The following GSN variants were observed in gnomAD, a reference collection of about 807,000 sequenced individuals.
The protein encoded by GSN is actin-depolymerizing factor.
In GSN, 56 loss-of-function variants were observed where a neutral mutation model predicts 85.7. That is an observed-to-expected ratio of 0.65 (90% CI 0.53 to 0.82). The LOEUF is 0.82. Ranked by LOEUF, GSN falls within the 40% of genes least tolerant of loss-of-function variation. The pLI is 0.00. For missense variants in GSN, 857 were observed against 979.8 expected (o/e 0.87, Z 1.67); for synonymous variants, 373 against 399.1 (o/e 0.93, Z 0.78).
At chr9:121,206,970 A>T (rs1174859279), upstream of GSN, among the ~76,000 whole-genome samples, 2 of 152,214 alleles carry the variant, frequency 1.3e-5, no homozygotes, top group Non-Finnish European at 2.9e-5. Context: ...TCCACATGGA[A>T]ACTGAGACCT....
intron 4 of GSN, among the ~76,000 whole-genome samples, chr9:121,228,420 ATATATTTTTTTTT>A (rs1564343693): frequency 1.8e-5 from 1 of 56,974 alleles, no homozygotes; most frequent in African/African-American, 1.1e-4. Context: ...ATATATATAT[ATATATTTTTTTTT>A]TTTTTTTTTT....
At chr9:121,314,096 TCCACTGCTATGGGACC>T (rs2061463135) in intron 7 of GSN, 73 bp downstream of exon 7, 2 of 1,158,032 alleles carry the variant, frequency 1.7e-6, no homozygotes, top group East Asian at 4.7e-5. Context: ...TCTTCCCCAC[TCCACTGCTATGGGACC>T]TTGAGCAAAG....
intron 2 of GSN, among the ~76,000 whole-genome samples, chr9:121,290,321 C>T (rs2058566129): frequency 6.6e-6 from 1 of 152,236 alleles, no homozygotes; most frequent in South Asian, 2.1e-4. Context: ...TTTAAATCTT[C>T]CGGCTGGCTA....
intron 5 of GSN, among the ~76,000 whole-genome samples, chr9:121,241,317 GCAAA>G (rs1295021360): frequency 2.0e-5 from 3 of 152,188 alleles, no homozygotes; most frequent in East Asian, 1.9e-4. Flanking sequence ...TTTCAGGTGA[GCAAA>G]CAAACAAAAT....
At chr9:121,319,934 AG>A (rs550857532) in intron 10 of GSN, among the ~76,000 whole-genome samples, 28 of 152,036 alleles carry the variant, frequency 1.8e-4, no homozygotes, top group Non-Finnish European at 3.5e-4. Context: ...GGAATAACAA[AG>A]TGTTCATTTT....
At position 121,312,398 on chromosome 9, in the gene GSN, G is replaced by A; in HGVS notation, c.573G>A (p.Gln191=). The A allele has an allele frequency of 1.9e-6, 3 of 1,614,102 alleles. No individual in the cohort carries two copies. The highest frequency in any genetic ancestry group is 2.5e-6 in the Non-Finnish European group (3 of 1,179,942). The change falls in exon 6 of 18, where the codon CAG becomes CAA. Residue 191 remains glutamine, a synonymous_variant. Transcript: ENST00000432226. ...SNRYERLKAT[Q]VSKGIRDNER... is the part of the protein sequence containing the mutation. The stretch of plus-strand genomic sequence containing the variant: ...GGTATGAAAGACTGAAGGCCACACA[G>A]GTGTCCAAGGGCATCCGGGACAACG...
intron 5 of GSN, chr9:121,311,240 G>A: frequency 3.4e-6 from 1 of 294,368 alleles, no homozygotes; most frequent in Non-Finnish European, 6.6e-6. Flanking sequence ...ACATGTGTAT[G>A]TCATACATGT....
chr9:121,286,580 G>A, intron 2 of GSN: 1 of 1,479,012 alleles, frequency 6.8e-7, no homozygotes, highest in Non-Finnish European at 8.9e-7. Flanking sequence ...GGCCATGGGT[G>A]CTCCCTCCTT....
At chr9:121,274,048 G>GTC (rs1442026645) in intron 1 of GSN, among the ~76,000 whole-genome samples, 1 of 152,172 alleles carries the variant, frequency 6.6e-6, no homozygotes, top group Admixed American at 6.5e-5. Context: ...TTTCTACTGA[G>GTC]TCTCTCTCTC....
intron 4 of GSN, among the ~76,000 whole-genome samples, chr9:121,304,761 G>C (rs2060231110): frequency 6.6e-6 from 1 of 152,196 alleles, no homozygotes; most frequent in Admixed American, 6.5e-5. Context: ...GATGAGACTG[G>C]AGGCTCAGAG....
intron 1 of GSN, among the ~76,000 whole-genome samples, chr9:121,275,894 G>A (rs1008167957): frequency 5.9e-5 from 9 of 152,188 alleles, no homozygotes; most frequent in African/African-American, 2.2e-4. Context: ...ATAAAAAACA[G>A]TGTGCCAGTT....
chr9:121,253,723 A>G (rs1255162589), intron 6 of GSN, among the ~76,000 whole-genome samples: 1 of 152,206 alleles, frequency 6.6e-6, no homozygotes, highest in East Asian at 1.9e-4. Context: ...TGGTGCAGGA[A>G]CTGGCGGTTC....
chr9:121,266,484 A>G (rs2055210148), upstream of GSN, among the ~76,000 whole-genome samples: 1 of 152,248 alleles, frequency 6.6e-6, no homozygotes, highest in East Asian at 1.9e-4. Flanking sequence ...AGAGAGTAGC[A>G]GAGATGGTGT....
intron 6 of GSN, among the ~76,000 whole-genome samples, chr9:121,255,872 C>T (rs1244145339): frequency 1.3e-5 from 2 of 152,142 alleles, no homozygotes; most frequent in Non-Finnish European, 2.9e-5. Context: ...TAGAGAATAG[C>T]GGTTCCAATT....
intron 4 of GSN, among the ~76,000 whole-genome samples, chr9:121,218,385 A>C (rs924400806): frequency 1.3e-5 from 2 of 152,234 alleles, no homozygotes; most frequent in Non-Finnish European, 2.9e-5. Flanking sequence ...CTGTAATCCC[A>C]GTGCTTTGGG....
At chr9:121,297,676 A>G (rs1216397751) in intron 2 of GSN, 2 of 152,174 alleles carry the variant, frequency 1.3e-5, no homozygotes, top group Non-Finnish European at 2.9e-5. Context: ...AGTGCCTACT[A>G]TATGCCAGGC....
chr9:121,318,429 A>C lies in GSN; in HGVS notation c.910A>C (p.Arg304=), dbSNP rs748848770. The change falls in exon 9 of 18, where the codon AGG becomes CGG. Residue 304 remains arginine, a synonymous_variant. Coordinates refer to ENST00000432226, the MANE Select transcript of GSN (RefSeq NM_198252.3). This position sits in a 1 kb window ranked among gnomAD's most constrained non-coding sequence, Gnocchi z 4.3. The stretch of plus-strand genomic sequence containing the variant: ...AGGCAAGCAGGCAAACACGGAGGAG[A>C]GGAAGGCTGCCCTCAAAACAGCCTC... ...WKGKQANTEE[R]KAALKTASDF... 1.2e-6 allele frequency: 2 copies of C among 1,614,070 alleles called. No homozygotes were observed. Among genetic ancestry groups the C allele is most frequent in the Admixed American group, 3.3e-5 (2 of 60,022 alleles).
intron 6 of GSN, among the ~76,000 whole-genome samples, chr9:121,262,114 A>G (rs2055098998): frequency 6.6e-6 from 1 of 152,250 alleles, no homozygotes. Flanking sequence ...GTAGTCAACC[A>G]TTATATGAAG....
chr9:121,294,511 A>C (rs1029562096), intron 2 of GSN, among the ~76,000 whole-genome samples: 4 of 152,212 alleles, frequency 2.6e-5, no homozygotes, highest in Non-Finnish European at 5.9e-5. Context: ...CCAGATGTCC[A>C]GCCCTGGGTC....
Sources: gnomAD v4.1 joint callset for allele counts (sites outside exome capture counted in the v4.1 genomes callset) on GRCh38, gnomAD v4.1.1 for gene constraint, Gnocchi (gnomAD v3.1) non-coding constraint, MANE v1.5 for transcripts, NCBI Gene and HGNC (gene_info 2026-07-23, HGNC 2026-07-21) for gene names.